Variants in PLAC1 observed in about 807,000 individuals in gnomAD.
PLAC1 encodes the protein placenta associated 1.
For synonymous variants in PLAC1, 68 were observed against 62.1 expected (o/e 1.09, Z -0.44); for missense variants, 136 against 163.2 (o/e 0.83, Z 0.91).
At chrX:134,626,257 T>C (rs995706008) in intron 1 of PLAC1, among the ~76,000 whole-genome samples, 4 of 112,067 alleles carry the variant, frequency 3.6e-5, no homozygotes, top group Non-Finnish European at 3.8e-5. Flanking sequence ...TGTAATTCTA[T>C]ATTTGTGTGT....
intron 1 of PLAC1, among the ~76,000 whole-genome samples, chrX:134,757,508 G>A (rs1035455168): frequency 2.7e-5 from 3 of 112,301 alleles, no homozygotes; most frequent in African/African-American, 9.7e-5. Flanking sequence ...AAGACTACTA[G>A]AGATATGACA....
At chrX:134,679,626 T>C (rs956686492) in intron 2 of PLAC1, among the ~76,000 whole-genome samples, 2 of 111,731 alleles carry the variant, frequency 1.8e-5, no homozygotes, top group African/African-American at 6.5e-5. Flanking sequence ...GTGGTAATAA[T>C]TTGTAATGAT....
intron 2 of PLAC1, among the ~76,000 whole-genome samples, chrX:134,707,282 A>G (rs2078607622): frequency 1.8e-5 from 2 of 112,766 alleles, no homozygotes; most frequent in South Asian, 7.3e-4. Flanking sequence ...AGGAACACTA[A>G]CAGAATTTAT....
rs930042301 is a variant in PLAC1 at position 134,650,083 on chromosome X, C to T, written c.-131+8245G>A. Among the ~76,000 whole-genome samples the T allele has an allele frequency of 2.7e-5, 3 of 111,861 alleles. No individual in the cohort carries two copies. The Admixed American group carries it at 2.8e-4, about 11-fold the overall frequency. The stretch of plus-strand genomic sequence containing the variant: ...TAAACAGACAGGCCTTACTGGGTAC[C>T]CTCTGCCTTCAGTCTATTACCATTA... On this transcript the variant is annotated intron_variant, in intron 1 of 2. Coordinates refer to ENST00000359237, the MANE Select transcript of PLAC1 (RefSeq NM_021796.4).
At chrX:134,654,661 G>T (rs1299945402) in intron 1 of PLAC1, among the ~76,000 whole-genome samples, 2 of 112,118 alleles carry the variant, frequency 1.8e-5, no homozygotes, top group African/African-American at 6.5e-5. Context: ...CATTCCTGAA[G>T]GTTCTACCAG....
intron 2 of PLAC1, among the ~76,000 whole-genome samples, chrX:134,680,598 CT>C (rs773208114): frequency 0.019 from 1,946 of 102,948 alleles, 26 homozygotes; most frequent in Middle Eastern, 0.03. Flanking sequence ...CTAAACTAAA[CT>C]AAACTAAACA....
chrX:134,638,346 CCTT>C (rs936737882), intron 1 of PLAC1, among the ~76,000 whole-genome samples: 2 of 112,017 alleles, frequency 1.8e-5, no homozygotes, highest in African/African-American at 6.5e-5. Context: ...GAGTTGTTCT[CCTT>C]AAGTTTTCTA....
chrX:134,745,734 T>C (rs886352316), intron 1 of PLAC1, among the ~76,000 whole-genome samples: 1 of 111,709 alleles, frequency 9.0e-6, no homozygotes, highest in Non-Finnish European at 1.9e-5. Flanking sequence ...GGTCCAGAAC[T>C]GCAGTTGATA....
At chrX:134,578,091 C>A (rs1293884725) in intron 2 of PLAC1, among the ~76,000 whole-genome samples, 1 of 110,235 alleles carries the variant, frequency 9.1e-6, no homozygotes, top group Admixed American at 9.7e-5. Context: ...GAGGAAAATA[C>A]TCAGAATGAT....
chrX:134,641,928 G>A lies in PLAC1; in HGVS notation c.-131+16400C>T, dbSNP rs189681306. Among the ~76,000 whole-genome samples, 997 of 112,490 alleles carry A rather than the reference G, an allele frequency of 8.9e-3. 6 individuals carry two copies. Among genetic ancestry groups the A allele is most frequent in the Middle Eastern group, 0.023 (5 of 219 alleles). On this transcript the variant is annotated intron_variant, in intron 1 of 2. Transcript: ENST00000359237. ...ATAAGGGGAGGGAATTGAGAGGAAAGATGAACATAGAGGGAAAGGTGTTTC... is the reference window on the plus strand; with the variant it reads ...ATAAGGGGAGGGAATTGAGAGGAAAAATGAACATAGAGGGAAAGGTGTTTC...
chrX:134,616,234 G>C (rs2078178453), intron 1 of PLAC1, among the ~76,000 whole-genome samples: 2 of 111,265 alleles, frequency 1.8e-5, no homozygotes, highest in East Asian at 5.7e-4. Flanking sequence ...CTCCCACCTT[G>C]GCTTCCCAAA....
chrX:134,618,422 T>G (rs2124405241), intron 1 of PLAC1, among the ~76,000 whole-genome samples: 1 of 111,071 alleles, frequency 9.0e-6, no homozygotes, highest in African/African-American at 3.3e-5. Context: ...ACTTTTTTTT[T>G]TGAGACAGGT....
At chrX:134,739,977 C>A (rs1186619016) in intron 1 of PLAC1, among the ~76,000 whole-genome samples, 4 of 111,726 alleles carry the variant, frequency 3.6e-5, no homozygotes, top group Non-Finnish European at 7.5e-5. Context: ...AATGGTAACA[C>A]TAAAAGTAAT....
chrX:134,593,051 A>G (rs1296714904), intron 2 of PLAC1, among the ~76,000 whole-genome samples: 1 of 110,799 alleles, frequency 9.0e-6, no homozygotes, highest in Admixed American at 9.6e-5. Flanking sequence ...CTCTCTCTAA[A>G]CAGGCCCCCC....
intron 2 of PLAC1, among the ~76,000 whole-genome samples, chrX:134,724,840 A>C (rs1233010212): frequency 9.0e-6 from 1 of 111,014 alleles, no homozygotes; most frequent in Non-Finnish European, 1.9e-5. Context: ...CCATCTCTAC[A>C]AAAAAATACA....
intron 1 of PLAC1, among the ~76,000 whole-genome samples, chrX:134,635,546 C>T (rs1383786069): frequency 9.0e-6 from 1 of 111,339 alleles, no homozygotes; most frequent in Non-Finnish European, 1.9e-5. Context: ...CACTATGTTG[C>T]CCAGGCTGGT....
intron 2 of PLAC1, among the ~76,000 whole-genome samples, chrX:134,695,555 A>G: frequency 8.9e-6 from 1 of 112,225 alleles, no homozygotes. Flanking sequence ...ACTGCTTTCC[A>G]GATGATACTG....
At chrX:134,754,758 C>CTTTT (rs760098539) in intron 1 of PLAC1, among the ~76,000 whole-genome samples, 218 of 65,799 alleles carry the variant, frequency 3.3e-3, no homozygotes, top group South Asian at 4.3e-3. Context: ...ATTTATTGTT[C>CTTTT]TTTTTTTTTT....
At chrX:134,603,225 G>A (rs1423998799) in intron 1 of PLAC1, among the ~76,000 whole-genome samples, 1 of 85,962 alleles carries the variant, frequency 1.2e-5, no homozygotes, top group Non-Finnish European at 2.2e-5. Flanking sequence ...ATGGGGAGGA[G>A]TGGGGCAGAG....
Sources: gnomAD v4.1 joint callset for allele counts (sites outside exome capture counted in the v4.1 genomes callset) on GRCh38, gnomAD v4.1.1 for gene constraint, MANE v1.5 for transcripts, NCBI Gene and HGNC (gene_info 2026-07-23, HGNC 2026-07-21) for gene names.